Variants in SUFU observed in about 807,000 individuals in gnomAD.
SUFU encodes SUFU negative regulator of hedgehog signaling.
A neutral mutation model predicts 58.9 loss-of-function variants in SUFU; 7 were observed. The ratio of observed to expected loss-of-function variants is 0.12; its 90% CI spans 0.07 to 0.22. The LOEUF is 0.22. SUFU is among the 10% of genes least tolerant of loss of function. The pLI is 1.00. For synonymous variants in SUFU, 232 were observed against 254.8 expected (o/e 0.91, Z 0.85); for missense variants, 451 against 641.3 (o/e 0.70, Z 3.20).
Position 102,504,097 on chromosome 10 carries a change from GCT to G in SUFU, c.-52_-51del. ...CGAGTCCGCCCGCTGGCCCGTCAGTGCTCTCCCCGTCGTTTGCCCTCTCCAGT... is the reference window on the plus strand; with the variant it reads ...CGAGTCCGCCCGCTGGCCCGTCAGTGCTCCCCGTCGTTTGCCCTCTCCAGT... On this transcript the variant is annotated 5_prime_UTR_variant, in exon 1 of 12. Transcript: ENST00000369902. 6.6e-7 allele frequency: 1 copy of G among 1,507,426 alleles called. No homozygotes were observed. Among genetic ancestry groups the G allele is most frequent in the Non-Finnish European group, 8.8e-7 (1 of 1,133,232 alleles). 93.4% of individuals were successfully genotyped at this position (1,507,426 alleles called of 1,614,324 possible). A position where few individuals can be genotyped will look rare whatever the true frequency, so the allele number is the denominator to read the frequency against.
At chr10:102,528,961 C>CTTT (rs33942579) in intron 2 of SUFU, among the ~76,000 whole-genome samples, 2,849 of 131,120 alleles carry the variant, frequency 0.022, 47 homozygotes, top group Non-Finnish European at 0.032. Flanking sequence ...TTTTTCCTTT[C>CTTT]TTTTTTTTTT....
At chr10:102,627,084 C>A in intron 10 of SUFU, 91 bp from the exon 11 acceptor site, 1 of 1,374,396 alleles carries the variant, frequency 7.3e-7, no homozygotes, top group Non-Finnish European at 1.0e-6. Context: ...ATCTCTCCTC[C>A]ATGGTCAGAA....
Position 102,616,270 on chromosome 10 carries a change from C to G in SUFU, c.1157+868C>G, listed in dbSNP as rs115165261. On this transcript the variant is annotated intron_variant, in intron 9 of 11. Coordinates refer to ENST00000369902, the MANE Select transcript of SUFU (RefSeq NM_016169.4). Reference sequence around the variant, plus strand: ...GGCTGCATCTGCTACAGCTGGCTACCCCACAGCCCAGGGGCTCCACCCACA... The same window carrying G: ...GGCTGCATCTGCTACAGCTGGCTACGCCACAGCCCAGGGGCTCCACCCACA... Among the ~76,000 whole-genome samples, 1,345 of 152,302 alleles carry G rather than the reference C, an allele frequency of 8.8e-3. 19 individuals are homozygous for G. Among genetic ancestry groups the G allele is most frequent in the African/African-American group, 0.031 (1,268 of 41,560 alleles).
At chr10:102,615,458 A>ACTTCAGAGCCT in intron 9 of SUFU, 56 bp downstream of exon 9, 1 of 1,613,100 alleles carries the variant, frequency 6.2e-7, no homozygotes, top group Non-Finnish European at 8.5e-7. Context: ...CTCAGCCTCC[A>ACTTCAGAGCCT]GGGGGCACTT....
At chr10:102,521,366 A>G (rs2062549372) in intron 2 of SUFU, among the ~76,000 whole-genome samples, 1 of 152,096 alleles carries the variant, frequency 6.6e-6, no homozygotes, top group Non-Finnish European at 1.5e-5. Flanking sequence ...GGTTCAGACC[A>G]TGGGGCTAAT....
intron 8 of SUFU, among the ~76,000 whole-genome samples, chr10:102,613,706 C>T (rs1273742543): frequency 6.6e-6 from 1 of 152,254 alleles, no homozygotes; most frequent in Non-Finnish European, 1.5e-5. Context: ...AGGATCCGGC[C>T]TTTTGAATGG....
At chr10:102,517,783 A>G (rs1237149355) in intron 2 of SUFU, among the ~76,000 whole-genome samples, 2 of 152,166 alleles carry the variant, frequency 1.3e-5, no homozygotes, top group Non-Finnish European at 2.9e-5. Context: ...CACCCGTCCA[A>G]CTAACTTTGC....
At chr10:102,579,108 A>G (rs1355963164) in intron 3 of SUFU, among the ~76,000 whole-genome samples, 2 of 152,212 alleles carry the variant, frequency 1.3e-5, no homozygotes, top group African/African-American at 4.8e-5. Flanking sequence ...AGGGGTAAGC[A>G]AGGACCTGTG....
intron 3 of SUFU, among the ~76,000 whole-genome samples, chr10:102,582,741 A>G (rs2063295326): frequency 6.6e-6 from 1 of 152,170 alleles, no homozygotes; most frequent in Non-Finnish European, 1.5e-5. Context: ...AATTTGCCAA[A>G]CAACATAAAA....
At chr10:102,600,488 G>C (rs2063505445) in intron 8 of SUFU, among the ~76,000 whole-genome samples, 1 of 152,186 alleles carries the variant, frequency 6.6e-6, no homozygotes, top group Non-Finnish European at 1.5e-5. Flanking sequence ...GTGTGCATCT[G>C]GCTGTCGATG....
chr10:102,596,380 A>T (rs2063461693), intron 6 of SUFU, among the ~76,000 whole-genome samples: 1 of 152,212 alleles, frequency 6.6e-6, no homozygotes, highest in African/African-American at 2.4e-5. Context: ...AAATCCAGGG[A>T]TGTTTTGAGT....
chr10:102,504,920 C>T (rs1450207335), intron 1 of SUFU, among the ~76,000 whole-genome samples: 1 of 152,130 alleles, frequency 6.6e-6, no homozygotes, highest in South Asian at 2.1e-4. Context: ...GACGTCGTAT[C>T]AGGGCAAAGC....
In SUFU at chr10:102,627,328, TGTGCGTGTGTACCTGTG is replaced by T. The variant is rs2063795314; in HGVS notation, c.1365+96_1365+112del. 15 of 1,220,542 alleles carry T rather than the reference TGTGCGTGTGTACCTGTG, an allele frequency of 1.2e-5. No homozygotes were observed. In the South Asian group the frequency reaches 1.7e-4, roughly 14 times the overall value. The allele number at this position is 1,220,542 out of a possible 1,614,324, so 75.6% of individuals were successfully genotyped here. ...GCGTGTGCACGTCTGTGCATGCATG[TGTGCGTGTGTACCTGTG>T]GTGCGTGTGTGCTTGCATGTATCTG... On this transcript the variant is annotated intron_variant, in intron 11 of 11. Coordinates refer to ENST00000369902, the MANE Select transcript of SUFU (RefSeq NM_016169.4).
chr10:102,593,979 T>G lies in SUFU; in HGVS notation c.684-14T>G, dbSNP rs2063433799. The G allele has an allele frequency of 3.7e-6, 6 of 1,613,900 alleles. No individual in the cohort carries two copies. The African/African-American group carries it at 4.0e-5, about 11-fold the overall frequency. ...ACCCTCAGTTACCATTGTATCCCCT[T>G]TCCTTGTCCACAGTGCTGGCGGCCC... is the stretch of plus-strand genomic sequence containing the variant. On this transcript the variant is annotated splice_polypyrimidine_tract_variant and intron_variant, in intron 5 of 11. Transcript: ENST00000369902.
At chr10:102,588,491 T>C (rs1027278030) in intron 3 of SUFU, among the ~76,000 whole-genome samples, 2 of 152,184 alleles carry the variant, frequency 1.3e-5, no homozygotes, top group East Asian at 1.9e-4. Flanking sequence ...TCTGTCCTTA[T>C]GCCAGTGCCG....
At chr10:102,611,428 T>A (rs1250566417) in intron 8 of SUFU, among the ~76,000 whole-genome samples, 6 of 152,150 alleles carry the variant, frequency 3.9e-5, no homozygotes, top group African/African-American at 1.4e-4. Flanking sequence ...AGAGCACCAG[T>A]GGTTGACCAA....
intron 8 of SUFU, among the ~76,000 whole-genome samples, chr10:102,607,812 G>A (rs944794330): frequency 9.2e-5 from 14 of 152,072 alleles, no homozygotes; most frequent in Non-Finnish European, 1.5e-4. Context: ...TCGGGAGGCC[G>A]AGGCAGGAGA....
chr10:102,516,170 G>A (rs1367003192), intron 2 of SUFU, among the ~76,000 whole-genome samples: 1 of 133,002 alleles, frequency 7.5e-6, no homozygotes, highest in Non-Finnish European at 1.5e-5. Flanking sequence ...TTGTTGCCGA[G>A]GCTGGAGTGC....
At chr10:102,513,472 TGGG>T (rs2062426311) in intron 2 of SUFU, among the ~76,000 whole-genome samples, 1 of 152,232 alleles carries the variant, frequency 6.6e-6, no homozygotes, top group Non-Finnish European at 1.5e-5. Context: ...ATAGATGTCT[TGGG>T]GGATAAAATA....
Sources: gnomAD v4.1 joint callset for allele counts (sites outside exome capture counted in the v4.1 genomes callset) on GRCh38, gnomAD v4.1.1 for gene constraint, MANE v1.5 for transcripts, NCBI Gene and HGNC (gene_info 2026-07-23, HGNC 2026-07-21) for gene names.